The following ADA variants were observed in gnomAD, a reference collection of about 807,000 sequenced individuals.
ADA encodes adenosine deaminase, also known as adenosine aminohydrolase.
A neutral mutation model predicts 49.0 loss-of-function variants in ADA; 45 were observed. The ratio of observed to expected loss-of-function variants is 0.92; its 90% confidence interval spans 0.72 to 1.18. The LOEUF (loss-of-function observed/expected upper bound fraction) is 1.18. ADA is among the 50% of genes most tolerant of loss of function. The probability of loss-of-function intolerance (pLI) is 0.00; values close to 1 mark genes in which losing one functional copy is unlikely to be tolerated. For missense variants in ADA, 445 were observed against 472.5 expected (o/e 0.94, Z 0.54); for synonymous variants, 173 against 184.2 (o/e 0.94, Z 0.49).
intron 1 of ADA, among the ~76,000 whole-genome samples, chr20:44,641,794 G>A (rs1034856884): frequency 3.3e-5 from 5 of 150,378 alleles, no homozygotes; most frequent in African/African-American, 1.2e-4. Context: ...TTGAGATGGA[G>A]TCTGGCTCTG....
intron 1 of ADA, among the ~76,000 whole-genome samples, chr20:44,639,592 T>A (rs1007976036): frequency 1.3e-5 from 2 of 152,038 alleles, no homozygotes; most frequent in Non-Finnish European, 2.9e-5. Flanking sequence ...TTTGTATTTT[T>A]AGTAGAGATG....
intron 9 of ADA, 61 bp from the exon 10 acceptor site, chr20:44,621,208 C>CACATTG: frequency 1.2e-6 from 2 of 1,609,108 alleles, no homozygotes; most frequent in Non-Finnish European, 1.7e-6. Context: ...ATAGTCAGAA[C>CACATTG]ACATTGACGT....
chr20:44,620,938 G>C, intron 10 of ADA, 80 bp downstream of exon 10: 1 of 1,595,886 alleles, frequency 6.3e-7, no homozygotes, highest in East Asian at 2.2e-5. Flanking sequence ...TCTCTCCAAA[G>C]ATTCCAGGCC....
intron 1 of ADA, among the ~76,000 whole-genome samples, chr20:44,646,699 T>C (rs2065595456): frequency 6.6e-6 from 1 of 152,074 alleles, no homozygotes; most frequent in South Asian, 2.1e-4. Context: ...CCCTAGCTGC[T>C]AAGCGGCAGG....
At chr20:44,619,895 C>T (rs1340410532) in intron 11 of ADA, 48 bp from the exon 12 acceptor site, 1 of 1,613,258 alleles carries the variant, frequency 6.2e-7, no homozygotes, top group South Asian at 1.1e-5. Context: ...CTTGTAGTAC[C>T]CAGGATGTTG....
intron 1 of ADA, among the ~76,000 whole-genome samples, chr20:44,644,374 G>A (rs1016724105): frequency 5.3e-5 from 8 of 152,206 alleles, no homozygotes; most frequent in Non-Finnish European, 8.8e-5. Flanking sequence ...TGACCACACC[G>A]TTATTTCCTC....
At chr20:44,625,860 T>C (rs2065377873) in intron 4 of ADA, among the ~76,000 whole-genome samples, 176 bp from the exon 5 acceptor site, 1 of 152,208 alleles carries the variant, frequency 6.6e-6, no homozygotes, top group African/African-American at 2.4e-5. Context: ...CATGTCCCTC[T>C]AGCTCTTAAA....
chr20:44,637,478 TTGCTGTTCC>T (rs1200282759), intron 1 of ADA, among the ~76,000 whole-genome samples: 2 of 152,186 alleles, frequency 1.3e-5, no homozygotes, highest in African/African-American at 2.4e-5. Context: ...GAAAGGGACT[TTGCTGTTCC>T]TGCTGTTCCT....
At chr20:44,622,475 A>C in intron 9 of ADA, 113 bp downstream of exon 9, 3 of 1,301,312 alleles carry the variant, frequency 2.3e-6, no homozygotes, top group Non-Finnish European at 3.3e-6. Context: ...AGGGTGTCGA[A>C]GAGATTTCAT....
chr20:44,622,139 G>A (rs186793389), intron 9 of ADA, among the ~76,000 whole-genome samples: 1 of 152,354 alleles, frequency 6.6e-6, no homozygotes, highest in Admixed American at 6.5e-5. Context: ...CAGGATGGGA[G>A]CCAGGCAGGG....
intron 1 of ADA, 82 bp downstream of exon 1, chr20:44,651,493 A>T (rs1454615990): frequency 9.4e-6 from 13 of 1,388,450 alleles, no homozygotes; most frequent in Non-Finnish European, 1.3e-5. Context: ...CAGGGTTTGG[A>T]CGCCCCGGGC....
At chr20:44,646,522 C>T (rs1600949437) in intron 1 of ADA, among the ~76,000 whole-genome samples, 1 of 150,860 alleles carries the variant, frequency 6.6e-6, no homozygotes, top group African/African-American at 2.5e-5. Context: ...AACCCCCACT[C>T]CAGTCCCCAG....
Position 44,622,575 on chromosome 20 carries a change from G to T in ADA, c.845+13C>A. 1 of 1,614,204 alleles carries T rather than the reference G, an allele frequency of 6.2e-7. No individual in the cohort carries two copies. Among genetic ancestry groups the T allele is most frequent in the South Asian group, 1.1e-5 (1 of 91,072 alleles). ...GGAACAAAATTGAACAGGCCCAGGG[G>T]AACAGAGCTCACCGAATGACTGCAT... On this transcript the variant is annotated intron_variant, in intron 9 of 11. Coordinates refer to ENST00000372874, the MANE Select transcript of ADA (RefSeq NM_000022.4).
chr20:44,651,517 G>A, intron 1 of ADA, 58 bp downstream of exon 1: 1 of 1,494,294 alleles, frequency 6.7e-7, no homozygotes, highest in Non-Finnish European at 9.0e-7. Context: ...GCCCCGCTAA[G>A]CCCCTCGGGC....
intron 1 of ADA, among the ~76,000 whole-genome samples, chr20:44,645,371 A>T (rs1203583225): frequency 1.3e-5 from 2 of 151,484 alleles, no homozygotes; most frequent in East Asian, 1.9e-4. Flanking sequence ...AAAAAAAAAA[A>T]AAAAAAAGTC....
intron 1 of ADA, among the ~76,000 whole-genome samples, chr20:44,638,833 C>A (rs534744232): frequency 4.2e-4 from 64 of 152,288 alleles, no homozygotes; most frequent in South Asian, 2.3e-3. Flanking sequence ...AGAGGGCCAA[C>A]AATGAGCCTG....
At chr20:44,642,830 G>A (rs1357701944) in intron 1 of ADA, among the ~76,000 whole-genome samples, 1 of 152,194 alleles carries the variant, frequency 6.6e-6, no homozygotes, top group Non-Finnish European at 1.5e-5. Context: ...GGTGCTCAGC[G>A]GGGCAGAAGC....
chr20:44,647,589 CAT>C, intron 1 of ADA, among the ~76,000 whole-genome samples: 1 of 152,116 alleles, frequency 6.6e-6, no homozygotes, highest in Middle Eastern at 3.4e-3. Context: ...GATGAAGACC[CAT>C]GCCTTGTCAA....
intron 1 of ADA, among the ~76,000 whole-genome samples, chr20:44,650,679 C>T (rs1464213409): frequency 6.6e-6 from 1 of 152,140 alleles, no homozygotes; most frequent in African/African-American, 2.4e-5. Context: ...AATGATCCTC[C>T]CGCCTCAGCC....
Sources: allele counts gnomAD v4.1 joint callset (sites outside exome capture counted in the v4.1 genomes callset), GRCh38; gene constraint gnomAD v4.1.1; transcripts MANE v1.5; gene names NCBI Gene and HGNC (gene_info 2026-07-23, HGNC 2026-07-21).